The following CACNG7 variants were observed in gnomAD, a reference collection of about 807,000 sequenced individuals.
CACNG7 encodes calcium voltage-gated channel auxiliary subunit gamma 7.
In CACNG7, 9 loss-of-function variants were observed where a neutral mutation model predicts 26.3. The ratio of observed to expected loss-of-function variants is 0.34; its 90% confidence interval spans 0.21 to 0.60. The LOEUF is 0.60. CACNG7 is among the 20% of genes least tolerant of loss of function. CACNG7 has a pLI of 0.81. For synonymous variants in CACNG7, 170 were observed against 157.0 expected (o/e 1.08, Z -0.62); for missense variants, 297 against 380.4 (o/e 0.78, Z 1.82).
chr19:53,910,369 G>A (rs531899669), intron 1 of CACNG7, among the ~76,000 whole-genome samples: 3 of 149,998 alleles, frequency 2.0e-5, no homozygotes, highest in Admixed American at 1.3e-4. Flanking sequence ...GGTTGGGGGG[G>A]AAGGAGGGGG....
chr19:53,941,627 G>T lies in CACNG7; in HGVS notation c.570+12G>T. On this transcript the variant is annotated intron_variant, in intron 5 of 5. Coordinates refer to ENST00000391767, the MANE Select transcript of CACNG7 (RefSeq NM_031896.5). ...TCCTACTCAAAGAGGTGACGTCCGT[G>T]GGACCTAGACTCTAGAGTTCTGAAT... The T allele has an allele frequency of 6.2e-7, 1 of 1,610,702 alleles. No individual in the cohort carries two copies. The highest frequency in any genetic ancestry group is 8.5e-7 in the Non-Finnish European group (1 of 1,178,772).
At chr19:53,934,608 T>TAA (rs750263689) in intron 4 of CACNG7, among the ~76,000 whole-genome samples, 3 of 143,206 alleles carry the variant, frequency 2.1e-5, no homozygotes, top group South Asian at 2.2e-4. Flanking sequence ...CCCTGTCTCT[T>TAA]AAAAAAAAAA....
intron 4 of CACNG7, among the ~76,000 whole-genome samples, chr19:53,915,882 A>T (rs1361030791): frequency 6.6e-6 from 1 of 152,204 alleles, no homozygotes; most frequent in Admixed American, 6.5e-5. Context: ...AAACTCACGC[A>T]ATTCGCCTCC....
In CACNG7 at chr19:53,939,881, C is replaced by A; in HGVS notation, c.425-1589C>A. ...AAATTCATATACTTTTTATGTGCCA[C>A]AAAATACCAGTCTTGTTTTGATTTT... On this transcript the variant is annotated intron_variant, in intron 4 of 5. Transcript: ENST00000391767. This position sits in a 1 kb window ranked among gnomAD's most constrained non-coding sequence, Gnocchi z 4.2. Among the ~76,000 whole-genome samples, 1 of 152,114 alleles carries A rather than the reference C, an allele frequency of 6.6e-6. No homozygotes were observed. The highest frequency in any genetic ancestry group is 1.5e-5 in the Non-Finnish European group (1 of 68,034).
chr19:53,911,328 A>T (rs2068860957), intron 1 of CACNG7, among the ~76,000 whole-genome samples: 1 of 151,986 alleles, frequency 6.6e-6, no homozygotes, highest in African/African-American at 2.4e-5. Flanking sequence ...AGCCTCCCAA[A>T]GTGCTGGGAT....
chr19:53,932,964 C>T (rs946170482), intron 4 of CACNG7, among the ~76,000 whole-genome samples: 2 of 151,840 alleles, frequency 1.3e-5, no homozygotes, highest in African/African-American at 4.8e-5. Flanking sequence ...TCTGCCATCA[C>T]GCCCGGCTAA....
At chr19:53,920,094 G>C (rs1384060313) in intron 4 of CACNG7, among the ~76,000 whole-genome samples, 327 of 114,730 alleles carry the variant, frequency 2.9e-3, no homozygotes, top group African/African-American at 0.015. Context: ...CCCCAGGCTG[G>C]TCATTGGTGG....
intron 5 of CACNG7, 190 bp downstream of exon 5, chr19:53,941,805 G>A: frequency 2.3e-6 from 2 of 876,384 alleles, no homozygotes; most frequent in Non-Finnish European, 3.4e-6. Flanking sequence ...TGGGATCCTG[G>A]GGGAGGAGGG....
At chr19:53,914,945 T>C (rs963471154) in intron 3 of CACNG7, among the ~76,000 whole-genome samples, 2 of 148,800 alleles carry the variant, frequency 1.3e-5, no homozygotes, top group African/African-American at 5.0e-5. Context: ...GAGCTTGCAG[T>C]GAGCCAAGAT....
chr19:53,919,286 C>T (rs1181602780), intron 4 of CACNG7, among the ~76,000 whole-genome samples: 1 of 152,240 alleles, frequency 6.6e-6, no homozygotes, highest in Non-Finnish European at 1.5e-5. Context: ...AATGAGGAAA[C>T]CAGGCCTCAG....
chr19:53,923,038 T>TC (rs537403879), intron 4 of CACNG7, among the ~76,000 whole-genome samples: 6 of 107,604 alleles, frequency 5.6e-5, no homozygotes, highest in African/African-American at 9.4e-5. Flanking sequence ...GGTGCAGTTG[T>TC]CCCAGGCCTG....
chr19:53,923,146 C>CCCCAGGTCTGGTCATTGGTGGAGTTGT (rs1568776000), intron 4 of CACNG7, among the ~76,000 whole-genome samples: 2 of 53,106 alleles, frequency 3.8e-5, no homozygotes, highest in Non-Finnish European at 6.2e-5. Flanking sequence ...GGTGGAGTTG[C>CCCCAGGTCTGGTCATTGGTGGAGTTGT]CCCAGGTCTG....
At chr19:53,918,182 G>T (rs7246670) in intron 4 of CACNG7, among the ~76,000 whole-genome samples, 1 of 152,174 alleles carries the variant, frequency 6.6e-6, no homozygotes, top group Non-Finnish European at 1.5e-5. Flanking sequence ...TACCACTTAC[G>T]GTTTGAACCA....
chr19:53,938,311 G>A (rs900700518), intron 4 of CACNG7, among the ~76,000 whole-genome samples: 24 of 152,066 alleles, frequency 1.6e-4, no homozygotes, highest in Admixed American at 9.2e-4. Flanking sequence ...TTGCACCAAT[G>A]CACTCCTGCC....
intron 4 of CACNG7, among the ~76,000 whole-genome samples, chr19:53,924,254 G>GCCCCAGGTCTGGTCATTGGTGGACTTT (rs1599983880): frequency 1.4e-5 from 2 of 141,102 alleles, no homozygotes; most frequent in African/African-American, 2.7e-5. Context: ...TGGTGGAGTT[G>GCCCCAGGTCTGGTCATTGGTGGACTTT]CCCCAGGTCT....
intron 4 of CACNG7, among the ~76,000 whole-genome samples, chr19:53,937,455 C>G (rs1230854814): frequency 1.3e-5 from 2 of 152,142 alleles, no homozygotes; most frequent in African/African-American, 4.8e-5. Flanking sequence ...AAACTTCTGA[C>G]TACCCGGTTG....
At chr19:53,921,386 G>T (rs1324998756) in intron 4 of CACNG7, among the ~76,000 whole-genome samples, 1 of 147,614 alleles carries the variant, frequency 6.8e-6, no homozygotes, top group Non-Finnish European at 1.5e-5. Context: ...GGTCATTGGT[G>T]GAGTTGCCCC....
chr19:53,932,834 CTT>C (rs534782031), intron 4 of CACNG7, among the ~76,000 whole-genome samples: 15 of 136,834 alleles, frequency 1.1e-4, no homozygotes, highest in East Asian at 2.1e-4. Flanking sequence ...TTTCTCTCTC[CTT>C]TTTTTTTTTT....
At chr19:53,925,484 G>GCTGGTCATTGGTGGACTTGCCCCAGGT (rs1555811159) in intron 4 of CACNG7, among the ~76,000 whole-genome samples, 39,290 of 116,492 alleles carry the variant, frequency 0.34, 9,996 homozygotes, top group African/African-American at 0.54. Flanking sequence ...GTTGCCCCAG[G>GCTGGTCATTGGTGGACTTGCCCCAGGT]CTGGTCATTG....
Sources: gnomAD v4.1 joint callset for allele counts (sites outside exome capture counted in the v4.1 genomes callset) on GRCh38, gnomAD v4.1.1 for gene constraint, Gnocchi (gnomAD v3.1) non-coding constraint, MANE v1.5 for transcripts, NCBI Gene and HGNC (gene_info 2026-07-23, HGNC 2026-07-21) for gene names.